Variants in ANXA2 observed in about 807,000 individuals in gnomAD.
ANXA2 encodes annexin II.
ANXA2 carries 28 observed loss-of-function variants against 47.3 expected under a neutral mutation model. That is an observed-to-expected ratio of 0.59 (90% CI 0.44 to 0.81). ANXA2 has a LOEUF of 0.81. Ranked by LOEUF, ANXA2 falls within the 40% of genes least tolerant of loss-of-function variation. The pLI is 0.00. For synonymous variants in ANXA2, 172 were observed against 155.5 expected (o/e 1.11, Z -0.79); for missense variants, 384 against 414.3 (o/e 0.93, Z 0.64).
intron 3 of ANXA2, among the ~76,000 whole-genome samples, chr15:60,378,522 A>C (rs142960932): frequency 1.3e-5 from 2 of 152,216 alleles, no homozygotes. Flanking sequence ...CAATGCTAAT[A>C]TTAGCACTGA....
intron 3 of ANXA2, among the ~76,000 whole-genome samples, chr15:60,370,919 T>G (rs144773397): frequency 1.5e-3 from 232 of 152,316 alleles, no homozygotes; most frequent in African/African-American, 5.4e-3. Context: ...CTGATATGAG[T>G]GATCACAAAG....
intron 3 of ANXA2, among the ~76,000 whole-genome samples, chr15:60,380,010 G>C (rs1219240425): frequency 6.6e-6 from 1 of 152,174 alleles, no homozygotes; most frequent in East Asian, 1.9e-4. Flanking sequence ...ATCTTTGCTA[G>C]ATGAGTTAAC....
In ANXA2 at chr15:60,349,744, A is replaced by G. The variant is rs201225861; in HGVS notation, c.838-547T>C. 7.3e-3 allele frequency among the ~76,000 whole-genome samples: 1,088 copies of G among 148,776 alleles called. 9 individuals carry two copies. The highest frequency in any genetic ancestry group is 0.026 in the African/African-American group (1,043 of 39,750). ...AGGGAAAGACAGAGAGAGAGAGAGA[A>G]AGAAAGAGAGAAAGAAAGAAAAAGG... On this transcript the variant is annotated intron_variant, in intron 11 of 12. Transcript: ENST00000451270.
In ANXA2 at chr15:60,394,420, C is replaced by G. The variant is rs562463919; in HGVS notation, c.-12+3523G>C. On this transcript the variant is annotated intron_variant, in intron 1 of 12. Transcript: ENST00000451270. ...CTGGATTAAAAGCTTCAGGGTGGGC[C>G]AGGCATAGTGGCTCACGCCTGTAAT... Among the ~76,000 whole-genome samples, 9 of 151,968 alleles carry G rather than the reference C, an allele frequency of 5.9e-5. No individual in the cohort carries two copies. In the South Asian group the frequency reaches 1.9e-3, roughly 32 times the overall value.
At chr15:60,361,686 G>A (rs890641958) in intron 4 of ANXA2, among the ~76,000 whole-genome samples, 5 of 152,030 alleles carry the variant, frequency 3.3e-5, no homozygotes, top group Admixed American at 6.5e-5. Context: ...TAACACCCCC[G>A]AACTGGCCCC....
intron 3 of ANXA2, among the ~76,000 whole-genome samples, chr15:60,367,535 G>A (rs1221334189): frequency 2.0e-4 from 10 of 50,248 alleles, no homozygotes; most frequent in South Asian, 6.8e-4. Flanking sequence ...CCCTCTGCCC[G>A]GCCAGCCGCC....
At chr15:60,349,359 T>C (rs1017820650) in intron 11 of ANXA2, among the ~76,000 whole-genome samples, 162 bp from the exon 12 acceptor site, 1 of 152,188 alleles carries the variant, frequency 6.6e-6, no homozygotes. Flanking sequence ...AAATTCCACA[T>C]ACAGCACTTA....
chr15:60,361,139 G>C, intron 4 of ANXA2, 85 bp from the exon 5 acceptor site: 1 of 945,242 alleles, frequency 1.1e-6, no homozygotes. Flanking sequence ...GGATCTTTTT[G>C]TGAAGCAGGT....
chr15:60,356,644 C>T (rs1595667689), intron 6 of ANXA2, among the ~76,000 whole-genome samples: 1 of 152,044 alleles, frequency 6.6e-6, no homozygotes, highest in Non-Finnish European at 1.5e-5. Context: ...ATGATAATAA[C>T]TTTAAAAAGT....
In ANXA2 at chr15:60,388,956, GTCT is replaced by G. The variant is rs1167865733; in HGVS notation, c.-11-2873_-11-2871del. 7.9e-5 allele frequency among the ~76,000 whole-genome samples: 12 copies of G among 151,690 alleles called. No homozygotes were observed. In the South Asian group the frequency reaches 8.3e-4, roughly 11 times the overall value. On this transcript the variant is annotated intron_variant, in intron 1 of 12. Transcript: ENST00000451270. ...TCGCGTTACCTTGCCCAGGCTGACA[GTCT>G]TCTTGACAGAGCAAGAAATCTCTAA...
rs752530414 is a variant in ANXA2 at position 60,349,228 on chromosome 15, G to A, written c.838-31C>T. 1.4e-5 allele frequency: 22 copies of A among 1,609,552 alleles called. No individual in the cohort carries two copies. The South Asian group carries it at 2.0e-4, about 14-fold the overall frequency. On this transcript the variant is annotated intron_variant, in intron 11 of 12. Transcript: ENST00000451270. ...AATCAAGTTGATATTTGTTACATTC[G>A]CTGAGAATGTTATCGTTAAAGAAAG...
chr15:60,355,910 G>T lies in ANXA2; in HGVS notation c.528+9C>A. 1 of 1,613,154 alleles carries T rather than the reference G, an allele frequency of 6.2e-7. No individual in the cohort carries two copies. Among genetic ancestry groups the T allele is most frequent in the South Asian group, 1.1e-5 (1 of 91,066 alleles). On this transcript the variant is annotated intron_variant, in intron 7 of 12. Transcript: ENST00000451270. The stretch of plus-strand genomic sequence containing the variant: ...AAGCAAGGGCAAAGAAAGAAACTGG[G>T]AAACCAACCTTTGCCAGGGCAACCA...
chr15:60,381,611 T>C (rs2062860578), intron 3 of ANXA2, among the ~76,000 whole-genome samples: 1 of 152,156 alleles, frequency 6.6e-6, no homozygotes, highest in Non-Finnish European at 1.5e-5. Context: ...CCTGGTCTTC[T>C]CTTACTCATC....
In ANXA2 at chr15:60,365,063, T is replaced by C. The variant is rs1247383154; in HGVS notation, c.149-540A>G. ...TTTAACACGGCAGTTGTATTTTTAA[T>C]AGCATAATTGATTAACACAATCACA... On this transcript the variant is annotated intron_variant, in intron 3 of 12. Transcript: ENST00000451270. Among the ~76,000 whole-genome samples, 4 of 147,668 alleles carry C rather than the reference T, an allele frequency of 2.7e-5. 1 individual carries two copies. The highest frequency in any genetic ancestry group is 3.9e-4 in the East Asian group (2 of 5,116).
At position 60,387,328 on chromosome 15, in the gene ANXA2, C is replaced by G. The variant is rs550641311; in HGVS notation, c.-11-1242G>C. On this transcript the variant is annotated intron_variant, in intron 1 of 12. Transcript: ENST00000451270. The stretch of plus-strand genomic sequence containing the variant: ...AAAGTCAGTCAAAGACCTTCCACTT[C>G]CCCCACACTCACAACTCTCAGACAG... 1.1e-4 allele frequency among the ~76,000 whole-genome samples: 16 copies of G among 152,338 alleles called. No homozygotes were observed. The South Asian group carries it at 1.7e-3, about 16-fold the overall frequency.
chr15:60,390,579 C>A (rs867393498), intron 1 of ANXA2: 4 of 368,398 alleles, frequency 1.1e-5, no homozygotes, highest in South Asian at 9.4e-5. Flanking sequence ...CTTGAGTGTG[C>A]TGACCCCATC....
intron 3 of ANXA2, among the ~76,000 whole-genome samples, chr15:60,375,197 C>T (rs954599454): frequency 2.6e-5 from 4 of 152,132 alleles, no homozygotes; most frequent in South Asian, 2.1e-4. Flanking sequence ...TGCAAAACTT[C>T]GTGCAGTTAT....
At chr15:60,364,869 A>T (rs1035334843) in intron 3 of ANXA2, among the ~76,000 whole-genome samples, 4 of 151,660 alleles carry the variant, frequency 2.6e-5, no homozygotes, top group African/African-American at 9.7e-5. Context: ...ATTTAGTAGG[A>T]TTTTAAATGA....
At chr15:60,395,456 C>A (rs2063069191) in intron 1 of ANXA2, among the ~76,000 whole-genome samples, 1 of 152,160 alleles carries the variant, frequency 6.6e-6, no homozygotes, top group Non-Finnish European at 1.5e-5. Context: ...AGGCTCCAGG[C>A]TCTGCACAAG....
Sources: allele counts gnomAD v4.1 joint callset (sites outside exome capture counted in the v4.1 genomes callset), GRCh38; gene constraint gnomAD v4.1.1; transcripts MANE v1.5; gene names NCBI Gene and HGNC (gene_info 2026-07-23, HGNC 2026-07-21).